TEP1: variants seen among roughly 807,000 people sequenced by gnomAD.
TEP1 encodes telomerase protein component 1.
In TEP1, 241 loss-of-function variants were observed where a neutral mutation model predicts 306.3. The observed-to-expected ratio is 0.79, with a 90% CI of 0.71 to 0.88. TEP1 has a LOEUF of 0.88. Among genes scored for constraint, TEP1 ranks in the 40% least tolerant of loss-of-function variants. The pLI, the probability that TEP1 is intolerant of heterozygous loss-of-function variation, is 0.00. For synonymous variants in TEP1, 1,289 were observed against 1,305.5 expected, an observed-to-expected ratio of 0.99 and a Z score of 0.27; for missense variants, 3,051 against 3,276.1, an observed-to-expected ratio of 0.93 and a Z score of 1.68.
Position 20,386,555 on chromosome 14 carries a change from A to T in TEP1, c.2753T>A (p.Leu918Gln). Residue 918 changes from leucine to glutamine, a missense_variant, in exon 19 of 55, where the codon CTG (leucine) becomes CAG (glutamine). Leu to Gln is a moderately radical substitution (Grantham distance 113, BLOSUM62 -2). Around this residue, in one of 3 missense-constraint regions of TEP1, gnomAD observed 1,507 missense variants for 1,550.5 expected, o/e 0.97. Transcript: ENST00000262715. ...RDMHGERDLLLRSVLPALQAR... is the reference protein window; with the variant it reads ...RDMHGERDLLQRSVLPALQAR... ...CTGCAGTGCTGGCAGCACAGACCTC[A>T]GCAGCAGGTCCCGCTCCCCATGCAT... 1 of 1,612,390 alleles carries T rather than the reference A, an allele frequency of 6.2e-7. No homozygotes were observed. The highest frequency in any genetic ancestry group is 2.2e-5 in the East Asian group (1 of 44,828).
chr14:20,402,735 A>G (rs1464677833), intron 7 of TEP1, among the ~76,000 whole-genome samples: 1 of 152,232 alleles, frequency 6.6e-6, no homozygotes, highest in Non-Finnish European at 1.5e-5. Context: ...AATGCTACGT[A>G]CAATACCTTA....
chr14:20,406,644 T>C (rs1879198789), intron 2 of TEP1, among the ~76,000 whole-genome samples: 1 of 152,212 alleles, frequency 6.6e-6, no homozygotes, highest in Non-Finnish European at 1.5e-5. Flanking sequence ...GCCCCTGCTT[T>C]CATCTCTTCA....
chr14:20,401,260 A>G (rs1176243874), intron 8 of TEP1, 119 bp from the exon 9 acceptor site: 2 of 1,402,378 alleles, frequency 1.4e-6, no homozygotes, highest in African/African-American at 1.4e-5. Flanking sequence ...AAAATAACTC[A>G]GAAAAGGAAA....
Position 20,387,954 on chromosome 14 carries a change from G to T in TEP1, c.2635C>A (p.Pro879Thr). 6.2e-7 allele frequency: 1 copy of T among 1,614,074 alleles called. No individual in the cohort carries two copies. The highest frequency in any genetic ancestry group is 8.5e-7 in the Non-Finnish European group (1 of 1,179,986). Residue 879 changes from proline (P) to threonine (T), a missense_variant, in exon 18 of 55, where the codon CCA (proline) becomes ACA (threonine). Physicochemically the swap from Pro to Thr is conservative, Grantham distance 38. Around this residue, in one of 3 missense-constraint regions of TEP1, gnomAD observed 1,507 missense variants for 1,550.5 expected, o/e 0.97. Coordinates refer to ENST00000262715, the MANE Select transcript of TEP1 (RefSeq NM_007110.5). Reference protein sequence around the residue: ...PGKTGVQSLRPLEEDTPSPLA... With the variant: ...PGKTGVQSLRTLEEDTPSPLA... Reference sequence around the variant, plus strand: ...GGGCTTGGAGTGTCCTCTTCCAGTGGCCGGAGAGACTGGACCCCTGTCTTT... The same window carrying T: ...GGGCTTGGAGTGTCCTCTTCCAGTGTCCGGAGAGACTGGACCCCTGTCTTT...
chr14:20,380,619 A>T, intron 33 of TEP1, 144 bp from the exon 34 acceptor site: 1 of 1,351,100 alleles, frequency 7.4e-7, no homozygotes. Context: ...TCTTAAAAGT[A>T]CAAAGCTTTG....
At chr14:20,391,339 T>C (rs564969403) in intron 13 of TEP1, among the ~76,000 whole-genome samples, 1 of 152,134 alleles carries the variant, frequency 6.6e-6, no homozygotes, top group Admixed American at 6.5e-5. Context: ...AAGTGAGACA[T>C]ATTTTGGTGA....
At chr14:20,405,691 G>C in intron 3 of TEP1, 106 bp from the exon 4 acceptor site, 1 of 1,308,158 alleles carries the variant, frequency 7.6e-7, no homozygotes, top group Non-Finnish European at 1.0e-6. Flanking sequence ...GAATGGACCC[G>C]AGATGTGGAG....
chr14:20,400,907 C>A lies in TEP1; in HGVS notation c.1549+77G>T, dbSNP rs80301852. ...AATAACTTCATCATTCCACAGAAAT[C>A]TTCTAGTGAGGATCTAAAATGTGGA... On this transcript the variant is annotated intron_variant, in intron 9 of 54. Transcript: ENST00000262715. The A allele has an allele frequency of 7.0e-4, 1,078 of 1,537,406 alleles. 10 individuals are homozygous for A. In the East Asian group the frequency reaches 0.02, roughly 29 times the overall value.
rs894888730 is a variant in TEP1, at chr14:20,408,259, T to C, written c.181A>G (p.Met61Val). Reference sequence around the variant, plus strand: ...GACACATATCCATGTGGTTTTTCCATGGTCTTCAGGTCAGGAAGCGTGGCT... The same window carrying C: ...GACACATATCCATGTGGTTTTTCCACGGTCTTCAGGTCAGGAAGCGTGGCT... The part of the protein sequence containing the change: ...CLATLPDLKT[M>V]EKPHGYVSAH... The change falls in exon 2 of 55, where the codon ATG becomes GTG. Residue 61 changes from methionine (M) to valine (V), a missense_variant. By Grantham distance (21) the Met-to-Val change is conservative (BLOSUM62 1). This residue lies in a region of TEP1 where 1,507 missense variants were observed against 1,550.5 expected (regional missense o/e 0.97). Transcript: ENST00000262715. The C allele has an allele frequency of 6.8e-6, 11 of 1,613,616 alleles. No homozygotes were observed. In the East Asian group the frequency reaches 1.1e-4, roughly 16 times the overall value.
chr14:20,389,180 A>G (rs1877487267), intron 17 of TEP1, 58 bp downstream of exon 17: 1 of 1,508,548 alleles, frequency 6.6e-7, no homozygotes, highest in Non-Finnish European at 9.2e-7. Context: ...AGTAGAGATA[A>G]TCTCCTAAAA....
At position 20,369,750 on chromosome 14, in the gene TEP1, C is replaced by T; in HGVS notation, c.7347G>A (p.Glu2449=). The T allele has an allele frequency of 6.2e-7, 1 of 1,614,120 alleles. No individual in the cohort carries two copies. Among genetic ancestry groups the T allele is most frequent in the Non-Finnish European group, 8.5e-7 (1 of 1,180,022 alleles). ...LRQKESGEFE[E]RLNFDINLEN... is the part of the protein sequence containing the mutation. ...CTAAGTTTATATCAAAGTTCAGCCTCTCTTCAAACTCTCCTGATTCCTTTT... is the reference window on the plus strand; with the variant it reads ...CTAAGTTTATATCAAAGTTCAGCCTTTCTTCAAACTCTCCTGATTCCTTTT... Residue 2449 remains glutamate (E), a synonymous_variant, in exon 52 of 55, where the codon GAG becomes GAA. Coordinates refer to ENST00000262715, the MANE Select transcript of TEP1 (RefSeq NM_007110.5).
Position 20,383,729 on chromosome 14 carries a change from T to C in TEP1, c.3710+14A>G, listed in dbSNP as rs1225416256. 5.0e-6 allele frequency: 8 copies of C among 1,610,086 alleles called. No individual in the cohort carries two copies. In the East Asian group the frequency reaches 1.6e-4, roughly 31 times the overall value. On this transcript the variant is annotated intron_variant, in intron 25 of 54. Transcript: ENST00000262715. ...TGGGCATCAACAAGGCTGGGCTCAT[T>C]GGGGGATACCCACCGGTAGGTGCTG...
chr14:20,381,237 G>A lies in TEP1; in HGVS notation c.4647+76C>T, dbSNP rs1876493836. The stretch of plus-strand genomic sequence containing the variant: ...TAATGGCGGCGGTGATGGTGGAGAT[G>A]GTAACGGGGAGAGGGGTCTCAGAGC... On this transcript the variant is annotated intron_variant, in intron 32 of 54. Coordinates refer to ENST00000262715, the MANE Select transcript of TEP1 (RefSeq NM_007110.5). The surrounding 1 kb of genome is among the most constrained non-coding windows in gnomAD (Gnocchi z 4.0). The A allele has an allele frequency of 1.4e-6, 2 of 1,450,686 alleles. No individual in the cohort carries two copies. Among genetic ancestry groups the A allele is most frequent in the Non-Finnish European group, 1.9e-6 (2 of 1,031,858 alleles). The allele number at this position is 1,450,686 out of a possible 1,614,324, so 89.9% of individuals were successfully genotyped here. A position where few individuals can be genotyped will look rare whatever the true frequency, so the allele number is the denominator to read the frequency against.
Position 20,395,369 on chromosome 14 carries a change from T to C in TEP1, c.1928+81A>G, listed in dbSNP as rs1025752962. 7 of 1,400,100 alleles carry C rather than the reference T, an allele frequency of 5.0e-6. No individual in the cohort carries two copies. In the East Asian group the frequency reaches 9.3e-5, roughly 19 times the overall value. The allele number at this position is 1,400,100 out of a possible 1,614,324, so 86.7% of individuals were successfully genotyped here. A position where few individuals can be genotyped will look rare whatever the true frequency, so the allele number is the denominator to read the frequency against. ...CAAGCAAACCTTTACAGAAAAACAG[T>C]TGGGATTCCCAGATGACTTCCAACC... On this transcript the variant is annotated intron_variant, in intron 12 of 54. Coordinates refer to ENST00000262715, the MANE Select transcript of TEP1 (RefSeq NM_007110.5).
intron 7 of TEP1, 133 bp from the exon 8 acceptor site, chr14:20,401,714 G>A: frequency 3.7e-6 from 5 of 1,350,442 alleles, no homozygotes; most frequent in Non-Finnish European, 5.1e-6. Flanking sequence ...TTTGGCCAAG[G>A]AGCAGGAATA....
At chr14:20,388,108 G>A (rs775294655) in intron 17 of TEP1, 45 bp from the exon 18 acceptor site, 23 of 1,604,520 alleles carry the variant, frequency 1.4e-5, no homozygotes, top group South Asian at 2.2e-5. Context: ...ACCACAGGTC[G>A]AAATCAGTGA....
At chr14:20,390,087 G>A (rs576669885) in intron 15 of TEP1, among the ~76,000 whole-genome samples, 1 of 152,204 alleles carries the variant, frequency 6.6e-6, no homozygotes, top group South Asian at 2.1e-4. Context: ...AAATGTGGCT[G>A]GGCATGTTGA....
Position 20,376,436 on chromosome 14 carries a change from T to C in TEP1, c.6089-172A>G, listed in dbSNP as rs1297177137. 2.6e-5 allele frequency among the ~76,000 whole-genome samples: 4 copies of C among 152,158 alleles called. No individual in the cohort carries two copies. The East Asian group carries it at 7.7e-4, about 29-fold the overall frequency. ...GTGGAGAGGCCCTGGGCAAGGGTCA[T>C]CAGCGAGTGTGTACATAGGACGGGA... On this transcript the variant is annotated intron_variant, in intron 41 of 54. Transcript: ENST00000262715.
At chr14:20,375,370 G>C (rs1335040553) in intron 43 of TEP1, among the ~76,000 whole-genome samples, 1 of 152,014 alleles carries the variant, frequency 6.6e-6, no homozygotes, top group African/African-American at 2.4e-5. Context: ...TGGTCAGCCT[G>C]GTCTTGAACT....
Sources: allele counts gnomAD v4.1 joint callset (sites outside exome capture counted in the v4.1 genomes callset), GRCh38; gene constraint gnomAD v4.1.1; regional missense constraint gnomAD v4.1.1; non-coding constraint Gnocchi (gnomAD v3.1); transcripts MANE v1.5; gene names NCBI Gene and HGNC (gene_info 2026-07-23, HGNC 2026-07-21).